Variants in EXD3 observed in about 807,000 individuals in gnomAD.
EXD3 encodes exonuclease mut-7 homolog.
A neutral mutation model predicts 98.0 loss-of-function variants in EXD3; 92 were observed. That is an observed-to-expected ratio of 0.94 (90% CI 0.79 to 1.12). The LOEUF (loss-of-function observed/expected upper bound fraction) is 1.12. Among genes scored for constraint, EXD3 ranks in the 50% most tolerant of loss-of-function variants. The pLI, the probability that EXD3 is intolerant of heterozygous loss-of-function variation, is 0.00. For synonymous variants in EXD3, 569 were observed against 526.0 expected (o/e 1.08, Z -1.12); for missense variants, 1,222 against 1,191.6 (o/e 1.03, Z -0.38).
At chr9:137,378,896 T>G (rs1348691338) in intron 3 of EXD3, among the ~76,000 whole-genome samples, 1,421 of 140,618 alleles carry the variant, frequency 0.01, 27 homozygotes, top group African/African-American at 0.036. Context: ...ACGGTGACCG[T>G]TGCCTGGGGC....
At chr9:137,383,056 G>A (rs1483861004) in intron 3 of EXD3, among the ~76,000 whole-genome samples, 2 of 152,166 alleles carry the variant, frequency 1.3e-5, no homozygotes, top group Non-Finnish European at 2.9e-5. Context: ...TGGCCCCTGC[G>A]CCTCCCAGAG....
At chr9:137,400,045 A>AAAAAAAAAAAAAAAAAAAAAAAAAG (rs1564209842) in intron 1 of EXD3, among the ~76,000 whole-genome samples, 26 of 149,892 alleles carry the variant, frequency 1.7e-4, no homozygotes, top group African/African-American at 6.5e-4. Flanking sequence ...AAAAAAAAAA[A>AAAAAAAAAAAAAAAAAAAAAAAAAG]AAAGAAAATG....
At chr9:137,336,728 A>G (rs1204225508) in intron 17 of EXD3, among the ~76,000 whole-genome samples, 1 of 152,144 alleles carries the variant, frequency 6.6e-6, no homozygotes, top group African/African-American at 2.4e-5. Flanking sequence ...CAAAATATGC[A>G]TATTTTAAGA....
At chr9:137,346,238 C>CAAAAAAAAAAAAA (rs563761495) in intron 17 of EXD3, among the ~76,000 whole-genome samples, 250 of 13,612 alleles carry the variant, frequency 0.018, 44 homozygotes, top group Middle Eastern at 0.05. Context: ...GACTCCGTCT[C>CAAAAAAAAAAAAA]AAAAAAAAAA....
At chr9:137,370,529 C>T (rs1054076765) in intron 5 of EXD3, among the ~76,000 whole-genome samples, 76 of 150,268 alleles carry the variant, frequency 5.1e-4, no homozygotes, top group African/African-American at 1.4e-3. Flanking sequence ...AAGAGAGAGA[C>T]GAGGCTGTCC....
At chr9:137,314,483 T>C (rs953351038) in intron 19 of EXD3, among the ~76,000 whole-genome samples, 1 of 151,992 alleles carries the variant, frequency 6.6e-6, no homozygotes, top group African/African-American at 2.4e-5. Flanking sequence ...ACCCAGTCTA[T>C]CCCCGTGGAG....
At chr9:137,413,957 C>T (rs1838122115) in intron 1 of EXD3, among the ~76,000 whole-genome samples, 1 of 144,924 alleles carries the variant, frequency 6.9e-6, no homozygotes, top group African/African-American at 2.6e-5. Context: ...CACTCTGTTG[C>T]TCAGGCTGGA....
At chr9:137,339,480 C>T (rs1219457978) in intron 17 of EXD3, among the ~76,000 whole-genome samples, 1 of 124,728 alleles carries the variant, frequency 8.0e-6, no homozygotes, top group Non-Finnish European at 1.6e-5. Flanking sequence ...CTGGGTAACA[C>T]AGCAAGACGC....
intron 17 of EXD3, among the ~76,000 whole-genome samples, chr9:137,333,059 C>T (rs892071107): frequency 5.3e-5 from 8 of 152,154 alleles, no homozygotes; most frequent in African/African-American, 1.4e-4. Context: ...GCTGCCAGTA[C>T]GGCTAGAATA....
chr9:137,351,930 C>T (rs1440220100), intron 12 of EXD3, 136 bp downstream of exon 12: 3 of 1,165,618 alleles, frequency 2.6e-6, no homozygotes, highest in Non-Finnish European at 3.6e-6. Context: ...GCTGCCCTCA[C>T]AGCAGCCCTG....
chr9:137,342,652 A>G (rs1001102793), intron 17 of EXD3, among the ~76,000 whole-genome samples: 2 of 152,208 alleles, frequency 1.3e-5, no homozygotes, highest in Non-Finnish European at 2.9e-5. Flanking sequence ...TAGGAACCGC[A>G]AACCACCTTC....
intron 1 of EXD3, among the ~76,000 whole-genome samples, chr9:137,406,208 C>T (rs1837703084): frequency 2.1e-5 from 3 of 143,770 alleles, no homozygotes; most frequent in Non-Finnish European, 4.5e-5. Flanking sequence ...AGAGCAAGAC[C>T]CTGTTTCCAA....
At chr9:137,320,981 G>A (rs984158391) in intron 19 of EXD3, among the ~76,000 whole-genome samples, 20 of 152,304 alleles carry the variant, frequency 1.3e-4, no homozygotes, top group African/African-American at 4.6e-4. Flanking sequence ...TGCAGGAGAG[G>A]CCCCTGGAGC....
intron 1 of EXD3, among the ~76,000 whole-genome samples, chr9:137,411,251 C>T (rs1432175802): frequency 6.6e-6 from 1 of 152,178 alleles, no homozygotes; most frequent in Non-Finnish European, 1.5e-5. Flanking sequence ...TCATCTTCAC[C>T]CCAAACCCAG....
At chr9:137,370,523 G>A (rs936657862) in intron 5 of EXD3, among the ~76,000 whole-genome samples, 1 of 151,592 alleles carries the variant, frequency 6.6e-6, no homozygotes. Context: ...ACCAGGAAGA[G>A]AGAGACGAGG....
At chr9:137,357,868 A>T (rs1439469235) in intron 7 of EXD3, among the ~76,000 whole-genome samples, 1 of 151,972 alleles carries the variant, frequency 6.6e-6, no homozygotes, top group Non-Finnish European at 1.5e-5. Flanking sequence ...AAGAACTTAG[A>T]GTCTGATGTT....
chr9:137,391,012 A>G (rs577971452), intron 2 of EXD3, among the ~76,000 whole-genome samples: 2 of 152,288 alleles, frequency 1.3e-5, no homozygotes, highest in East Asian at 1.9e-4. Context: ...TCTGGTGTCC[A>G]CACCTCTGGG....
At chr9:137,350,569 G>A (rs1450744772) in intron 14 of EXD3, among the ~76,000 whole-genome samples, 1 of 85,522 alleles carries the variant, frequency 1.2e-5, no homozygotes, top group African/African-American at 4.7e-5. Flanking sequence ...GGGGATCACG[G>A]GGAAGGTGCT....
chr9:137,374,766 G>A (rs1835810539), intron 3 of EXD3: 1 of 985,338 alleles, frequency 1.0e-6, no homozygotes, highest in African/African-American at 1.7e-5. Flanking sequence ...TCGGGACTCT[G>A]GGAAGAAAAG....
Sources: gnomAD v4.1 joint callset for allele counts (sites outside exome capture counted in the v4.1 genomes callset) on GRCh38, gnomAD v4.1.1 for gene constraint, MANE v1.5 for transcripts, NCBI Gene and HGNC (gene_info 2026-07-23, HGNC 2026-07-21) for gene names.